Variants in CCDC157 observed in about 807,000 individuals in gnomAD.
The protein encoded by CCDC157 is coiled-coil domain containing 157.
Under a neutral mutation model 70.9 loss-of-function variants are expected in CCDC157, and 60 were observed. The ratio of observed to expected loss-of-function variants is 0.85; its 90% confidence interval spans 0.69 to 1.05. The LOEUF (loss-of-function observed/expected upper bound fraction) is 1.05, where lower values mean the gene tolerates loss of function less well. CCDC157 is among the 50% of genes least tolerant of loss of function. The pLI is 0.00. For missense variants in CCDC157, 943 were observed against 984.2 expected (o/e 0.96, Z 0.56); for synonymous variants, 373 against 422.4 (o/e 0.88, Z 1.43).
intron 3 of CCDC157, among the ~76,000 whole-genome samples, chr22:30,367,666 CT>C (rs1601727897): frequency 6.6e-6 from 1 of 151,816 alleles, no homozygotes; most frequent in East Asian, 1.9e-4. Context: ...GAGCAAGCCC[CT>C]GTCTCAAAGA....
At chr22:30,360,440 G>C (rs1301532488) in intron 1 of CCDC157, among the ~76,000 whole-genome samples, 2 of 152,036 alleles carry the variant, frequency 1.3e-5, no homozygotes, top group East Asian at 1.9e-4. Flanking sequence ...AGGAGGCAGA[G>C]CTTGCAGTGA....
chr22:30,370,639 A>G lies in CCDC157; in HGVS notation c.734A>G (p.Gln245Arg). The G allele has an allele frequency of 1.2e-6, 2 of 1,614,104 alleles. No individual in the cohort carries two copies. Among genetic ancestry groups the G allele is most frequent in the Non-Finnish European group, 1.7e-6 (2 of 1,180,032 alleles). ...GTGGTCATCAGCCTGTGTCAGAGCC[A>G]GAACCTGCCCTCGTCCTTAGGCCAG... ...GKVVISLCQSQNLPSSLGQFQ... is the reference protein window; with the variant it reads ...GKVVISLCQSRNLPSSLGQFQ... The change falls in exon 5 of 12, where the codon CAG becomes CGG. Residue 245 changes from glutamine to arginine, a missense_variant. By Grantham distance (43) the Gln-to-Arg change is conservative. Coordinates refer to ENST00000338306, the MANE Select transcript of CCDC157 (RefSeq NM_001017437.5).
rs772014533 is a variant in CCDC157, at chr22:30,376,319, C to T, written c.1918C>T (p.Pro640Ser). The change falls in exon 11 of 12, where the codon CCA becomes TCA. Residue 640 changes from proline (P) to serine (S), a missense_variant. Transcript: ENST00000338306. ...SSKGTQGATP[P>S]VQAKSTSPGP... is the part of the protein sequence containing the mutation. ...CAAGGGAACCCAGGGAGCAACACCACCAGTCCAGGCCAAGAGCACATCCCC... is the reference window on the plus strand; with the variant it reads ...CAAGGGAACCCAGGGAGCAACACCATCAGTCCAGGCCAAGAGCACATCCCC... 2 of 1,613,858 alleles carry T rather than the reference C, an allele frequency of 1.2e-6. No individual in the cohort carries two copies. The highest frequency in any genetic ancestry group is 1.7e-6 in the Non-Finnish European group (2 of 1,179,936).
intron 4 of CCDC157, 96 bp from the exon 5 acceptor site, chr22:30,370,230 G>T (rs1932874379): frequency 1.5e-6 from 2 of 1,343,884 alleles, no homozygotes; most frequent in East Asian, 4.6e-5. Flanking sequence ...GTCAGGCAAG[G>T]CTGTCACACT....
At chr22:30,374,461 T>C (rs1569193913) in intron 9 of CCDC157, 2 of 476,578 alleles carry the variant, frequency 4.2e-6, no homozygotes, top group Non-Finnish European at 8.3e-6. Flanking sequence ...AACCACACCA[T>C]GGGACTAGTC....
At chr22:30,369,674 C>A in intron 4 of CCDC157, 71 bp downstream of exon 4, 1 of 1,233,672 alleles carries the variant, frequency 8.1e-7, no homozygotes, top group Non-Finnish European at 1.1e-6. Flanking sequence ...GCCTTCACAC[C>A]TCGCCCCAGC....
intron 1 of CCDC157, among the ~76,000 whole-genome samples, chr22:30,358,224 T>C (rs1456379226): frequency 2.0e-5 from 3 of 152,286 alleles, no homozygotes; most frequent in Non-Finnish European, 4.4e-5. Context: ...CCCACACACA[T>C]CGTAGCTGTG....
rs769795249 is a variant in CCDC157 at position 30,376,279 on chromosome 22, C to G, written c.1878C>G (p.Leu626=). 9 of 1,609,372 alleles carry G rather than the reference C, an allele frequency of 5.6e-6. No individual in the cohort carries two copies. Among genetic ancestry groups the G allele is most frequent in the Non-Finnish European group, 7.6e-6 (9 of 1,177,460 alleles). Residue 626 remains leucine (L), a synonymous_variant, in exon 11 of 12, where the codon CTC becomes CTG. Transcript: ENST00000338306. ...TGTAGCTGATCCCGCAGGACCGGCT[C>G]TGGTCCCCTTCCAGCAAGGGAACCC... ...GGLKLIPQDR[L]WSPSSKGTQG... is the part of the protein sequence containing the mutation.
chr22:30,363,662 G>T (rs1181544531), intron 2 of CCDC157, among the ~76,000 whole-genome samples: 1 of 145,234 alleles, frequency 6.9e-6, no homozygotes, highest in Non-Finnish European at 1.5e-5. Context: ...ATAGCTAGAA[G>T]AAAATAAATG....
intron 6 of CCDC157, 159 bp downstream of exon 6, chr22:30,371,886 A>G (rs1356027369): frequency 2.6e-6 from 2 of 764,664 alleles, no homozygotes; most frequent in African/African-American, 3.5e-5. Flanking sequence ...GCGATGACCA[A>G]ACTGGGTTGC....
In CCDC157 at chr22:30,369,429, C is replaced by A; in HGVS notation, c.249-3C>A. 6.6e-7 allele frequency: 1 copy of A among 1,508,368 alleles called. No individual in the cohort carries two copies. The allele number at this position is 1,508,368 out of a possible 1,614,324, so 93.4% of individuals were successfully genotyped here. Reference sequence around the variant, plus strand: ...CCCAGCAACCTAGCATCTCTGCCCGCAGGCTCCTGCTGCTGCTTCAAAGCT... The same window carrying A: ...CCCAGCAACCTAGCATCTCTGCCCGAAGGCTCCTGCTGCTGCTTCAAAGCT... On this transcript the variant is annotated splice_region_variant and splice_polypyrimidine_tract_variant and intron_variant, in intron 3 of 11. Coordinates refer to ENST00000338306, the MANE Select transcript of CCDC157 (RefSeq NM_001017437.5).
At chr22:30,357,449 C>G (rs1017583494) in intron 1 of CCDC157, among the ~76,000 whole-genome samples, 1 of 152,196 alleles carries the variant, frequency 6.6e-6, no homozygotes, top group Admixed American at 6.5e-5. Context: ...TAGTCCCGCC[C>G]TCAAGCCCCA....
chr22:30,373,494 G>C lies in CCDC157; in HGVS notation c.1336-103G>C, dbSNP rs1215326398. On this transcript the variant is annotated intron_variant, in intron 7 of 11. Transcript: ENST00000338306. ...AGACACAGACACACACCCCAGGGGG[G>C]TAGCAGCCGAGGGGTAGTAGATGCT... is the stretch of plus-strand genomic sequence containing the variant. The C allele has an allele frequency of 1.7e-5, 22 of 1,293,316 alleles. No homozygotes were observed. The South Asian group carries it at 2.9e-4, about 17-fold the overall frequency. 80.1% of individuals were successfully genotyped at this position (1,293,316 alleles called of 1,614,324 possible).
At chr22:30,374,925 C>G (rs1569194301) in intron 9 of CCDC157, 6 of 346,470 alleles carry the variant, frequency 1.7e-5, no homozygotes, top group Non-Finnish European at 3.4e-5. Context: ...GTCAGAGATT[C>G]ACTCTCCTCT....
rs1175794664 is a variant in CCDC157 at position 30,376,427 on chromosome 22, C to T, written c.1947-6C>T. 6.2e-7 allele frequency: 1 copy of T among 1,613,744 alleles called. No individual in the cohort carries two copies. The highest frequency in any genetic ancestry group is 8.5e-7 in the Non-Finnish European group (1 of 1,179,916). Reference sequence around the variant, plus strand: ...ACAGGGGATCTTGGATCTGGTTTTCCTTCAGGCCTCTGGGCAGACAGCACC... The same window carrying T: ...ACAGGGGATCTTGGATCTGGTTTTCTTTCAGGCCTCTGGGCAGACAGCACC... On this transcript the variant is annotated splice_region_variant and splice_polypyrimidine_tract_variant and intron_variant, in intron 11 of 11. Transcript: ENST00000338306.
Position 30,378,263 on chromosome 22 carries a change from G to A in CCDC157, c.*1518G>A. On this transcript the variant is annotated 3_prime_UTR_variant, in exon 12 of 12. Coordinates refer to ENST00000338306, the MANE Select transcript of CCDC157 (RefSeq NM_001017437.5). ...GAATAGGCTCATGTGGTTAGGGCAA[G>A]GCTCACACTCAAATACTTTCCCTAT... The A allele has an allele frequency of 4.6e-6, 2 of 434,322 alleles. No homozygotes were observed. Among genetic ancestry groups the A allele is most frequent in the South Asian group, 3.3e-5 (2 of 60,330 alleles). 26.9% of individuals were successfully genotyped at this position (434,322 alleles called of 1,614,324 possible).
Position 30,378,297 on chromosome 22 carries a change from CA to C in CCDC157, c.*1553del, listed in dbSNP as rs1416651911. 1 of 384,656 alleles carries C rather than the reference CA, an allele frequency of 2.6e-6. No homozygotes were observed. Among genetic ancestry groups the C allele is most frequent in the African/African-American group, 2.1e-5 (1 of 47,750 alleles). 23.8% of individuals were successfully genotyped at this position (384,656 alleles called of 1,614,324 possible). On this transcript the variant is annotated 3_prime_UTR_variant, in exon 12 of 12. Transcript: ENST00000338306. Reference sequence around the variant, plus strand: ...TCAAATACTTTCCCTATCTTCAGGTCAGCTTGCTATAAGACAGAACCCAACC... The same window carrying C: ...TCAAATACTTTCCCTATCTTCAGGTCGCTTGCTATAAGACAGAACCCAACC...
chr22:30,372,550 C>A (rs1474781809), intron 7 of CCDC157: 2 of 407,778 alleles, frequency 4.9e-6, no homozygotes, highest in Non-Finnish European at 8.7e-6. Context: ...GTGCCACACT[C>A]TCCTGCCAGA....
intron 10 of CCDC157, 70 bp from the exon 11 acceptor site, chr22:30,376,189 C>A (rs1933343564): frequency 1.4e-6 from 2 of 1,416,880 alleles, no homozygotes; most frequent in Non-Finnish European, 2.0e-6. Context: ...CTGGCTACGA[C>A]ACCCTCTCTG....
Sources: gnomAD v4.1 joint callset for allele counts (sites outside exome capture counted in the v4.1 genomes callset) on GRCh38, gnomAD v4.1.1 for gene constraint, MANE v1.5 for transcripts, NCBI Gene and HGNC (gene_info 2026-07-23, HGNC 2026-07-21) for gene names.